CDC42EP4: variants seen among roughly 807,000 people sequenced by gnomAD.
The protein encoded by CDC42EP4 is CDC42 effector protein 4, also known as CDC42 effector protein (Rho GTPase binding) 4.
In CDC42EP4, 6 loss-of-function variants were observed where a neutral mutation model predicts 5.6. That is an observed-to-expected ratio of 1.07 (90% confidence interval 0.59 to 2.12). CDC42EP4 has a LOEUF of 2.12. CDC42EP4 is among the 30% of genes most tolerant of loss of function. The pLI is 0.00. For synonymous variants in CDC42EP4, 230 were observed against 224.2 expected (o/e 1.03, Z -0.23); for missense variants, 490 against 508.6 (o/e 0.96, Z 0.35).
chr17:73,296,708 C>T (rs1353886842), intron 1 of CDC42EP4, among the ~76,000 whole-genome samples: 3 of 151,982 alleles, frequency 2.0e-5, no homozygotes, highest in Non-Finnish European at 4.4e-5. Context: ...CACGGCTGGG[C>T]ACGGTGGCTC....
Position 73,303,227 on chromosome 17 carries a change from T to C in CDC42EP4, c.-113+8666A>G, listed in dbSNP as rs113360361. Among the ~76,000 whole-genome samples the C allele has an allele frequency of 8.5e-3, 1,204 of 141,224 alleles. 17 individuals are homozygous for C. The highest frequency in any genetic ancestry group is 0.03 in the African/African-American group (1,122 of 37,680). The allele number at this position is 141,224 out of a possible 152,430, so 92.6% of individuals were successfully genotyped here. On this transcript the variant is annotated intron_variant, in intron 1 of 1. Transcript: ENST00000335793. ...GCGTGGTGGCGCATGCCTGTAATCC[T>C]AGCTACTCGGAAGGCTGAGGCAGGA... is the stretch of plus-strand genomic sequence containing the variant.
chr17:73,303,444 T>G (rs2062229504), intron 1 of CDC42EP4, among the ~76,000 whole-genome samples: 1 of 151,934 alleles, frequency 6.6e-6, no homozygotes. Flanking sequence ...TATGGATCAC[T>G]TGAAGTCAGG....
At chr17:73,301,710 CTTT>C (rs35550966) in intron 1 of CDC42EP4, among the ~76,000 whole-genome samples, 4,847 of 131,338 alleles carry the variant, frequency 0.037, 185 homozygotes, top group African/African-American at 0.098. Context: ...CCATGCCCAG[CTTT>C]TTTTTTTTTT....
In CDC42EP4 at chr17:73,284,088, CA is replaced by C. The variant is rs1356283083; in HGVS notation, c.*1341del. On this transcript the variant is annotated 3_prime_UTR_variant, in exon 2 of 2. Coordinates refer to ENST00000335793, the MANE Select transcript of CDC42EP4 (RefSeq NM_012121.5). ...GAGAGAAACGTGAATTTCAGAAAAACAAATCATTTTTCACATAAGTGTTCCA... is the reference window on the plus strand; with the variant it reads ...GAGAGAAACGTGAATTTCAGAAAAACAATCATTTTTCACATAAGTGTTCCA... The C allele has an allele frequency of 6.6e-6, 1 of 152,212 alleles. No individual in the cohort carries two copies. Among genetic ancestry groups the C allele is most frequent in the Non-Finnish European group, 1.5e-5 (1 of 68,028 alleles). 9.4% of individuals were successfully genotyped at this position (152,212 alleles called of 1,614,324 possible).
At chr17:73,292,506 G>A (rs372655977) in intron 1 of CDC42EP4, among the ~76,000 whole-genome samples, 1 of 152,008 alleles carries the variant, frequency 6.6e-6, no homozygotes, top group South Asian at 2.1e-4. Context: ...AGTGTGGGGG[G>A]TGGGGGTGGG....
At position 73,285,225 on chromosome 17, in the gene CDC42EP4, G is replaced by T; in HGVS notation, c.*205C>A. The T allele has an allele frequency of 2.2e-6, 1 of 457,232 alleles. No individual in the cohort carries two copies. Among genetic ancestry groups the T allele is most frequent in the Non-Finnish European group, 3.9e-6 (1 of 257,794 alleles). The allele number at this position is 457,232 out of a possible 1,614,324, so 28.3% of individuals were successfully genotyped here. On this transcript the variant is annotated 3_prime_UTR_variant, in exon 2 of 2. Transcript: ENST00000335793. The surrounding 1 kb of genome is among the most constrained non-coding windows in gnomAD (Gnocchi z 6.8). ...AAGTGCAGGGAGCATGATGAAGTCAGGCAGCCAGTCGGCACCCATGCCAGC... is the reference window on the plus strand; with the variant it reads ...AAGTGCAGGGAGCATGATGAAGTCATGCAGCCAGTCGGCACCCATGCCAGC...
At chr17:73,294,386 C>A (rs1168645690) in intron 1 of CDC42EP4, among the ~76,000 whole-genome samples, 1 of 151,990 alleles carries the variant, frequency 6.6e-6, no homozygotes, top group Non-Finnish European at 1.5e-5. Context: ...AAAAACAAAC[C>A]CAGGATGGGA....
chr17:73,309,137 C>A (rs1167532199), intron 1 of CDC42EP4, among the ~76,000 whole-genome samples: 1 of 150,322 alleles, frequency 6.7e-6, no homozygotes, highest in Non-Finnish European at 1.5e-5. Flanking sequence ...CCCTTGAGCT[C>A]AGGAGTTCAA....
rs1264582637 is a variant in CDC42EP4, at chr17:73,308,924, G to T, written c.-113+2969C>A. ...GTGGTGGCATGCACCTATAATCCCA[G>T]CTACTGCAGAGGCTGAGGCAGGAGA... On this transcript the variant is annotated intron_variant, in intron 1 of 1. Coordinates refer to ENST00000335793, the MANE Select transcript of CDC42EP4 (RefSeq NM_012121.5). 4.0e-5 allele frequency among the ~76,000 whole-genome samples: 6 copies of T among 150,932 alleles called. No homozygotes were observed. In the Admixed American group the frequency reaches 4.0e-4, roughly 10 times the overall value.
At position 73,286,763 on chromosome 17, in the gene CDC42EP4, C is replaced by CT; in HGVS notation, c.-112-152dup. The CT allele has an allele frequency of 2.2e-6, 1 of 457,398 alleles. No homozygotes were observed. Among genetic ancestry groups the CT allele is most frequent in the East Asian group, 3.3e-5 (1 of 30,076 alleles). The allele number at this position is 457,398 out of a possible 1,614,324, so 28.3% of individuals were successfully genotyped here. ...CCAGCAATCCATGGTATAACCCTGC[C>CT]TGTTTCTTCATCCGCAGGCATTCAG... On this transcript the variant is annotated intron_variant, in intron 1 of 1. Transcript: ENST00000335793. The surrounding 1 kb of genome is among the most constrained non-coding windows in gnomAD (Gnocchi z 7.7).
chr17:73,296,161 G>A (rs1170206320), intron 1 of CDC42EP4, among the ~76,000 whole-genome samples: 4 of 150,696 alleles, frequency 2.7e-5, no homozygotes, highest in Non-Finnish European at 5.9e-5. Context: ...CGAGGCGGGT[G>A]GACCACGACG....
chr17:73,297,560 A>G (rs982045309), intron 1 of CDC42EP4, among the ~76,000 whole-genome samples: 1 of 152,218 alleles, frequency 6.6e-6, no homozygotes, highest in Non-Finnish European at 1.5e-5. Context: ...CTCTACACAA[A>G]TATGCATCTG....
rs549930301 is a variant in CDC42EP4, at chr17:73,297,251, G to A, written c.-112-10639C>T. Among the ~76,000 whole-genome samples the A allele has an allele frequency of 4.8e-5, 7 of 146,856 alleles. No homozygotes were observed. In the East Asian group the frequency reaches 1.2e-3, roughly 25 times the overall value. ...GGAGGTTGCTGTGAGCCAAGGTCGC[G>A]CCATTGCACTCCAGCCTGGGGGACA... On this transcript the variant is annotated intron_variant, in intron 1 of 1. Coordinates refer to ENST00000335793, the MANE Select transcript of CDC42EP4 (RefSeq NM_012121.5).
intron 1 of CDC42EP4, among the ~76,000 whole-genome samples, chr17:73,289,540 C>T (rs76088711): frequency 0.023 from 3,499 of 150,876 alleles, 130 homozygotes; most frequent in African/African-American, 0.079. Flanking sequence ...GTTCCTGAGT[C>T]GTATCTTTTG....
At chr17:73,295,777 T>C (rs1202372167) in intron 1 of CDC42EP4, among the ~76,000 whole-genome samples, 1 of 151,640 alleles carries the variant, frequency 6.6e-6, no homozygotes, top group African/African-American at 2.4e-5. Flanking sequence ...TGGTGGCGGG[T>C]GCCTGTAATC....
intron 1 of CDC42EP4, among the ~76,000 whole-genome samples, chr17:73,290,929 T>C (rs1455765816): frequency 6.6e-6 from 1 of 152,204 alleles, no homozygotes; most frequent in Admixed American, 6.5e-5. Flanking sequence ...TCACTGTGGC[T>C]GCCCAAAGGG....
intron 1 of CDC42EP4, among the ~76,000 whole-genome samples, chr17:73,303,528 G>C (rs1396923605): frequency 2.0e-5 from 3 of 152,046 alleles, no homozygotes; most frequent in Admixed American, 1.3e-4. Flanking sequence ...CTGGCGTGGT[G>C]GTGGGTACCT....
At chr17:73,290,068 C>T (rs1195593691) in intron 1 of CDC42EP4, among the ~76,000 whole-genome samples, 2 of 152,186 alleles carry the variant, frequency 1.3e-5, no homozygotes, top group South Asian at 2.1e-4. Flanking sequence ...CGGAGGGGAC[C>T]CCATCTTCCA....
At chr17:73,300,280 G>A (rs2062211147) in intron 1 of CDC42EP4, among the ~76,000 whole-genome samples, 1 of 152,092 alleles carries the variant, frequency 6.6e-6, no homozygotes, top group African/African-American at 2.4e-5. Context: ...TTCATGCCAT[G>A]TCTTCCCCCC....
Sources: gnomAD v4.1 joint callset for allele counts (sites outside exome capture counted in the v4.1 genomes callset) on GRCh38, gnomAD v4.1.1 for gene constraint, Gnocchi (gnomAD v3.1) non-coding constraint, MANE v1.5 for transcripts, NCBI Gene and HGNC (gene_info 2026-07-23, HGNC 2026-07-21) for gene names.